The following PKIB variants were observed in gnomAD, a reference collection of about 807,000 sequenced individuals.
PKIB encodes the protein PKI-beta.
PKIB carries 2 observed loss-of-function variants against 4.5 expected under a neutral mutation model. That is an observed-to-expected ratio of 0.44 (90% confidence interval 0.18 to 1.39). PKIB has a LOEUF of 1.39. Among genes scored for constraint, PKIB ranks in the 40% most tolerant of loss-of-function variants. The probability of loss-of-function intolerance (pLI) is 0.27; values close to 1 mark genes in which losing one functional copy is unlikely to be tolerated. For missense variants in PKIB, 94 were observed against 92.6 expected (o/e 1.02, Z -0.06); for synonymous variants, 38 against 36.0 (o/e 1.06, Z -0.20).
At chr6:122,493,534 CA>C (rs1439572212) in intron 2 of PKIB, 17 of 152,126 alleles carry the variant, frequency 1.1e-4, no homozygotes, top group African/African-American at 4.1e-4. Context: ...ATGTTTCTAA[CA>C]GATTTTATTT....
At chr6:122,614,648 T>A (rs1374047280) in intron 1 of PKIB, among the ~76,000 whole-genome samples, 1 of 152,072 alleles carries the variant, frequency 6.6e-6, no homozygotes, top group East Asian at 1.9e-4. Context: ...AATAATTAGG[T>A]AGTCTTCTCA....
In PKIB at chr6:122,592,494, C is replaced by T. The variant is rs577263084; in HGVS notation, c.-161+6487C>T. 4.5e-4 allele frequency among the ~76,000 whole-genome samples: 69 copies of T among 152,210 alleles called. No homozygotes were observed. The South Asian group carries it at 4.6e-3, about 10-fold the overall frequency. ...TAAATATCGTCTAGCAATATAGTGT[C>T]TGATAATTTTCAGTCAAGAGATCAG... is the stretch of plus-strand genomic sequence containing the variant. On this transcript the variant is annotated intron_variant, in intron 3 of 6. Transcript: ENST00000392491.
intron 1 of PKIB, among the ~76,000 whole-genome samples, chr6:122,610,913 C>T (rs1409302222): frequency 6.6e-6 from 1 of 152,126 alleles, no homozygotes; most frequent in Non-Finnish European, 1.5e-5. Context: ...TTCCCCTGGG[C>T]GGTGCTTACC....
At chr6:122,472,530 A>G (rs886197563) in intron 1 of PKIB, among the ~76,000 whole-genome samples, 1 of 152,240 alleles carries the variant, frequency 6.6e-6, no homozygotes, top group Non-Finnish European at 1.5e-5. Context: ...TCTGCAGGGA[A>G]TGCATTCCTA....
intron 2 of PKIB, among the ~76,000 whole-genome samples, chr6:122,541,940 C>T (rs1384783834): frequency 6.6e-6 from 1 of 152,048 alleles, no homozygotes; most frequent in Non-Finnish European, 1.5e-5. Context: ...ATTTCGTCTT[C>T]TATCACTGAG....
intron 2 of PKIB, among the ~76,000 whole-genome samples, chr6:122,542,815 G>T (rs1582687780): frequency 6.6e-6 from 1 of 152,276 alleles, no homozygotes; most frequent in Non-Finnish European, 1.5e-5. Flanking sequence ...TGCCCCCAGA[G>T]GTGGAGCCTG....
At chr6:122,701,248 A>G in intron 3 of PKIB, 1 of 497,122 alleles carries the variant, frequency 2.0e-6, no homozygotes, top group Non-Finnish European at 3.6e-6. Flanking sequence ...CCTTCCCACA[A>G]ACCTCACACA....
intron 3 of PKIB, among the ~76,000 whole-genome samples, chr6:122,707,687 TTG>T (rs1489649221): frequency 1.3e-5 from 2 of 152,140 alleles, no homozygotes; most frequent in African/African-American, 2.4e-5. Flanking sequence ...ATTAGAAATT[TTG>T]AATTATGTTG....
intron 2 of PKIB, among the ~76,000 whole-genome samples, chr6:122,568,045 T>C (rs184957413): frequency 6.6e-6 from 1 of 152,276 alleles, no homozygotes; most frequent in African/African-American, 2.4e-5. Context: ...ATTATAAAAG[T>C]TGTACATTTT....
intron 2 of PKIB, among the ~76,000 whole-genome samples, chr6:122,492,227 T>C (rs1448847685): frequency 2.0e-5 from 3 of 152,108 alleles, no homozygotes; most frequent in African/African-American, 7.2e-5. Flanking sequence ...GAAGGAGGAG[T>C]TATGGCTTAA....
At chr6:122,690,043 A>ATT (rs142860056) in intron 3 of PKIB, among the ~76,000 whole-genome samples, 6 of 151,432 alleles carry the variant, frequency 4.0e-5, no homozygotes, top group Non-Finnish European at 5.9e-5. Flanking sequence ...CTTGAAGTAC[A>ATT]TTTTTTTTGA....
At position 122,576,710 on chromosome 6, in the gene PKIB, A is replaced by ATATAT. The variant is rs59569106; in HGVS notation, c.-247-9210_-247-9209insATATT. On this transcript the variant is annotated intron_variant, in intron 2 of 6. Coordinates refer to the PKIB transcript ENST00000392491. ...AAAAAATATATATATATATATATAT[A>ATATAT]TTTTCTTTTGTATAATTATACCTCA... 9.8e-3 allele frequency among the ~76,000 whole-genome samples: 1,077 copies of ATATAT among 109,806 alleles called. 10 individuals are homozygous for ATATAT. Among genetic ancestry groups the ATATAT allele is most frequent in the Middle Eastern group, 0.018 (4 of 218 alleles). 72.0% of individuals were successfully genotyped at this position (109,806 alleles called of 152,430 possible).
intron 2 of PKIB, among the ~76,000 whole-genome samples, chr6:122,577,392 C>G (rs547822248): frequency 6.6e-6 from 1 of 152,040 alleles, no homozygotes; most frequent in East Asian, 1.9e-4. Flanking sequence ...TATATTTTTT[C>G]TTAGAAGTTT....
At chr6:122,550,020 T>C (rs1398036926) in intron 2 of PKIB, among the ~76,000 whole-genome samples, 1 of 151,882 alleles carries the variant, frequency 6.6e-6, no homozygotes, top group Non-Finnish European at 1.5e-5. Flanking sequence ...GTTCAAGTCA[T>C]TCTCCTGCCT....
chr6:122,504,923 A>C (rs1776351278), intron 2 of PKIB, among the ~76,000 whole-genome samples: 1 of 152,176 alleles, frequency 6.6e-6, no homozygotes, highest in Admixed American at 6.5e-5. Context: ...AGACAGGTTA[A>C]GAGTTCTTAA....
chr6:122,473,158 T>G (rs1211257274), intron 1 of PKIB, among the ~76,000 whole-genome samples: 1 of 152,206 alleles, frequency 6.6e-6, no homozygotes, highest in Non-Finnish European at 1.5e-5. Flanking sequence ...AACAATATTT[T>G]TAATTATGCT....
chr6:122,564,327 G>T (rs1452205267), intron 2 of PKIB, among the ~76,000 whole-genome samples: 2 of 152,138 alleles, frequency 1.3e-5, no homozygotes, highest in Non-Finnish European at 2.9e-5. Context: ...TCTGTCCGGA[G>T]CTGCACTCTA....
intron 2 of PKIB, among the ~76,000 whole-genome samples, chr6:122,660,298 G>A (rs1776933793): frequency 6.6e-6 from 1 of 152,190 alleles, no homozygotes; most frequent in Non-Finnish European, 1.5e-5. Context: ...AGAAACACTA[G>A]GCTGAATCCA....
chr6:122,553,608 C>T (rs1772755898), intron 2 of PKIB, among the ~76,000 whole-genome samples: 1 of 149,766 alleles, frequency 6.7e-6, no homozygotes, highest in Non-Finnish European at 1.5e-5. Context: ...CCTGAGTTTA[C>T]AGTGAACCAT....
Sources: gnomAD v4.1 joint callset for allele counts (sites outside exome capture counted in the v4.1 genomes callset) on GRCh38, gnomAD v4.1.1 for gene constraint, MANE v1.5 for transcripts, NCBI Gene and HGNC (gene_info 2026-07-23, HGNC 2026-07-21) for gene names.